The following SFI1 variants were observed in gnomAD, a reference collection of about 807,000 sequenced individuals.
SFI1 encodes the protein protein SFI1 homolog.
Under a neutral mutation model 207.5 loss-of-function variants are expected in SFI1, and 195 were observed. That is an observed-to-expected ratio of 0.94 (90% confidence interval 0.84 to 1.06). The LOEUF (loss-of-function observed/expected upper bound fraction) is 1.06, where lower values mean the gene tolerates loss of function less well. SFI1 is among the 50% of genes least tolerant of loss of function. The pLI is 0.00. For synonymous variants in SFI1, 630 were observed against 598.9 expected (o/e 1.05, Z -0.76); for missense variants, 1,634 against 1,588.0 (o/e 1.03, Z -0.49).
At chr22:31,572,046 G>A (rs1028299187) in intron 8 of SFI1, among the ~76,000 whole-genome samples, 2 of 152,182 alleles carry the variant, frequency 1.3e-5, no homozygotes, top group Non-Finnish European at 2.9e-5. Context: ...AGCTGGACAG[G>A]GTTGGGAGGG....
rs758862606 is a variant in SFI1, at chr22:31,613,266, G to T, written c.2565+50G>T. On this transcript the variant is annotated intron_variant, in intron 25 of 32. Transcript: ENST00000400288. ...ATCCCTGCCTCTCCCTCAGGCCTTA[G>T]CCCTGCCTTGGGTGGAGGGAGGGCA... is the stretch of plus-strand genomic sequence containing the variant. 1.2e-5 allele frequency: 19 copies of T among 1,611,188 alleles called. No individual in the cohort carries two copies. The East Asian group carries it at 3.3e-4, about 28-fold the overall frequency.
chr22:31,562,047 G>A (rs1422873593), intron 8 of SFI1, among the ~76,000 whole-genome samples: 2 of 152,190 alleles, frequency 1.3e-5, no homozygotes, highest in African/African-American at 4.8e-5. Context: ...CATAGTCCAT[G>A]TGAATACGTG....
At chr22:31,616,922 C>T (rs756586798) in intron 30 of SFI1, 45 bp downstream of exon 30, 1 of 1,611,568 alleles carries the variant, frequency 6.2e-7, no homozygotes, top group South Asian at 1.1e-5. Flanking sequence ...TCAGGCCACT[C>T]CCGGACCTGG....
At chr22:31,527,956 A>G (rs533448875) in intron 2 of SFI1, among the ~76,000 whole-genome samples, 1 of 152,266 alleles carries the variant, frequency 6.6e-6, no homozygotes, top group African/African-American at 2.4e-5. Context: ...TCTAATAAAA[A>G]TACAAAACTT....
At chr22:31,510,518 C>T (rs2055339555) in intron 2 of SFI1, among the ~76,000 whole-genome samples, 1 of 152,142 alleles carries the variant, frequency 6.6e-6, no homozygotes, top group African/African-American at 2.4e-5. Context: ...ACTGCAACCT[C>T]TGCCTCCCTG....
chr22:31,585,922 T>C (rs766130021), intron 14 of SFI1, among the ~76,000 whole-genome samples: 9 of 152,144 alleles, frequency 5.9e-5, no homozygotes, highest in Non-Finnish European at 1.3e-4. Context: ...CTCCCAGTTA[T>C]TTTCGTGCTG....
intron 4 of SFI1, among the ~76,000 whole-genome samples, chr22:31,544,459 TTAAAAA>T (rs1569266418): frequency 6.6e-6 from 1 of 152,136 alleles, no homozygotes; most frequent in African/African-American, 2.4e-5. Context: ...ATGAAAAAAA[TTAAAAA>T]TAATAATTTT....
chr22:31,562,453 AAAG>A (rs1385345375), intron 8 of SFI1, among the ~76,000 whole-genome samples: 7 of 151,810 alleles, frequency 4.6e-5, no homozygotes, highest in African/African-American at 1.2e-4. Context: ...AAAAAAAAAA[AAAG>A]AAGTAGATTT....
At chr22:31,501,477 CT>C (rs1297224827) in intron 1 of SFI1, among the ~76,000 whole-genome samples, 1 of 152,012 alleles carries the variant, frequency 6.6e-6, no homozygotes, top group Non-Finnish European at 1.5e-5. Context: ...GCTGACATAA[CT>C]TTTATATGAA....
rs533220694 is a variant in SFI1, at chr22:31,612,016, C to T, written c.2490+176C>T. Reference sequence around the variant, plus strand: ...ATTTCCAGGCACATCAGCTTCCTTCCGTCTGCAGTCTGCATAAGAACAGTT... The same window carrying T: ...ATTTCCAGGCACATCAGCTTCCTTCTGTCTGCAGTCTGCATAAGAACAGTT... On this transcript the variant is annotated intron_variant, in intron 24 of 32. Transcript: ENST00000400288. 194 of 1,405,904 alleles carry T rather than the reference C, an allele frequency of 1.4e-4. 5 individuals carry two copies. In the South Asian group the frequency reaches 2.5e-3, roughly 18 times the overall value. 87.1% of individuals were successfully genotyped at this position (1,405,904 alleles called of 1,614,324 possible).
intron 9 of SFI1, among the ~76,000 whole-genome samples, chr22:31,573,893 T>G (rs1292857224): frequency 6.6e-6 from 1 of 152,212 alleles, no homozygotes; most frequent in Non-Finnish European, 1.5e-5. Context: ...GTCGTAAATG[T>G]TATTTTTTAA....
chr22:31,598,107 A>G (rs2146838651), intron 15 of SFI1, among the ~76,000 whole-genome samples: 1 of 151,374 alleles, frequency 6.6e-6, no homozygotes, highest in East Asian at 2.0e-4. Flanking sequence ...CCTCCTGAGT[A>G]GCTGGGACTA....
rs754863785 is a variant in SFI1, at chr22:31,604,373, G to A, written c.1946G>A (p.Ser649Asn). ...LMRADLHHQH[S>N]VLHRALQAWV... ...CGAGCAGACCTGCACCACCAGCACA[G>A]CGTGCTGCACAGGGCGCTGCAGGCA... Residue 649 changes from serine to asparagine, a missense_variant, in exon 19 of 33, where the codon AGC becomes AAC. Transcript: ENST00000400288. 3 of 1,572,474 alleles carry A rather than the reference G, an allele frequency of 1.9e-6. No homozygotes were observed. In the Admixed American group the frequency reaches 5.5e-5, roughly 29 times the overall value.
In SFI1 at chr22:31,561,860, C is replaced by T. The variant is rs536200735; in HGVS notation, c.765+468C>T. 2.6e-5 allele frequency among the ~76,000 whole-genome samples: 4 copies of T among 152,228 alleles called. No individual in the cohort carries two copies. In the East Asian group the frequency reaches 7.7e-4, roughly 29 times the overall value. On this transcript the variant is annotated intron_variant, in intron 8 of 32. Transcript: ENST00000400288. ...CAATCATAAATGGCTAAGGCCTGTACTAAAACTTTCTTATCCTTTGACATA... is the reference window on the plus strand; with the variant it reads ...CAATCATAAATGGCTAAGGCCTGTATTAAAACTTTCTTATCCTTTGACATA...
intron 5 of SFI1, among the ~76,000 whole-genome samples, chr22:31,547,935 C>T (rs2060248091): frequency 6.7e-6 from 1 of 148,496 alleles, no homozygotes; most frequent in Admixed American, 6.7e-5. Context: ...TAAATTGTGG[C>T]CGGGCATGGT....
intron 15 of SFI1, among the ~76,000 whole-genome samples, chr22:31,594,917 C>T (rs2066868693): frequency 6.6e-6 from 1 of 151,134 alleles, no homozygotes; most frequent in Admixed American, 6.6e-5. Flanking sequence ...TTTTTAGTTC[C>T]CACAGGGACA....
At position 31,545,574 on chromosome 22, in the gene SFI1, A is replaced by AATCTTATTTT. The variant is rs1555983936; in HGVS notation, c.339-1285_339-1284insCTTATTTTAT. ...AATTTAATTTAATTTAATTTAATTT[A>AATCTTATTTT]ATTTAATTTAATTTTATTTTATTTT... is the stretch of plus-strand genomic sequence containing the variant. On this transcript the variant is annotated intron_variant, in intron 4 of 32. Transcript: ENST00000400288. 2.0e-3 allele frequency among the ~76,000 whole-genome samples: 265 copies of AATCTTATTTT among 131,024 alleles called. 1 individual carries two copies. Among genetic ancestry groups the AATCTTATTTT allele is most frequent in the African/African-American group, 9.5e-3 (253 of 26,536 alleles). The allele number at this position is 131,024 out of a possible 152,430, so 86.0% of individuals were successfully genotyped here.
intron 1 of SFI1, among the ~76,000 whole-genome samples, chr22:31,502,095 GTTC>G (rs2146399932): frequency 6.6e-6 from 1 of 152,226 alleles, no homozygotes; most frequent in Admixed American, 6.5e-5. Context: ...TATCTTACTT[GTTC>G]TTATGAATCT....
In SFI1 at chr22:31,546,853, TGCCGTAG is replaced by T; in HGVS notation, c.339-7_339-1del. On this transcript the variant is annotated splice_acceptor_variant and splice_polypyrimidine_tract_variant and intron_variant, in intron 4 of 32. Coordinates refer to ENST00000400288, the MANE Select transcript of SFI1 (RefSeq NM_001007467.3). LOFTEE classifies it high-confidence loss of function. ...TCATATATATATATGATTTTTTTTTTGCCGTAGATTTTACTATGAGCAGCGATTACTA... is the reference window on the plus strand; with the variant it reads ...TCATATATATATATGATTTTTTTTTTATTTTACTATGAGCAGCGATTACTA... 6.4e-7 allele frequency: 1 copy of T among 1,550,592 alleles called. No homozygotes were observed. Among genetic ancestry groups the T allele is most frequent in the Non-Finnish European group, 8.8e-7 (1 of 1,132,662 alleles).
Sources: allele counts gnomAD v4.1 joint callset (sites outside exome capture counted in the v4.1 genomes callset), GRCh38; gene constraint gnomAD v4.1.1; transcripts MANE v1.5; gene names NCBI Gene and HGNC (gene_info 2026-07-23, HGNC 2026-07-21).